NXPE4: variants seen among roughly 807,000 people sequenced by gnomAD.
NXPE4 encodes NXPE family member 4.
In NXPE4, 42 loss-of-function variants were observed where a neutral mutation model predicts 33.3. The ratio of observed to expected loss-of-function variants is 1.26; its 90% CI spans 0.98 to 1.63. The LOEUF (loss-of-function observed/expected upper bound fraction) is 1.63. Among genes scored for constraint, NXPE4 ranks in the 40% most tolerant of loss-of-function variants. The pLI is 0.00. For synonymous variants in NXPE4, 253 were observed against 234.9 expected (o/e 1.08, Z -0.71); for missense variants, 709 against 647.6 (o/e 1.09, Z -1.03).
At chr11:114,663,319 C>T in the NXPE4 span, among the ~76,000 whole-genome samples, 7 of 152,280 alleles carry the variant, frequency 4.6e-5, no homozygotes, top group Non-Finnish European at 7.4e-5. Flanking sequence ...AATGCTCTGC[C>T]TAGGCTGCTC....
chr11:114,605,096 G>A, the NXPE4 span, among the ~76,000 whole-genome samples: 3 of 151,202 alleles, frequency 2.0e-5, no homozygotes, highest in Non-Finnish European at 2.9e-5. Context: ...TGCCTCGTGG[G>A]TAACAGCTGT....
At chr11:114,589,099 G>T (rs755855346) in intron 2 of NXPE4, among the ~76,000 whole-genome samples, 2 of 152,086 alleles carry the variant, frequency 1.3e-5, no homozygotes, top group African/African-American at 4.8e-5. Context: ...CTATTGATGT[G>T]GGAAGTCAGA....
At chr11:114,639,620 C>G in the NXPE4 span, among the ~76,000 whole-genome samples, 9 of 147,356 alleles carry the variant, frequency 6.1e-5, no homozygotes, top group African/African-American at 2.0e-4. Flanking sequence ...GCTGCCCCAC[C>G]TATGTAACAT....
At chr11:114,632,070 T>C in the NXPE4 span, among the ~76,000 whole-genome samples, 1 of 133,558 alleles carries the variant, frequency 7.5e-6, no homozygotes, top group Non-Finnish European at 1.6e-5. Flanking sequence ...AAGAATTGTA[T>C]AGTATAATAT....
chr11:114,625,530 G>A, the NXPE4 span, among the ~76,000 whole-genome samples: 2 of 152,284 alleles, frequency 1.3e-5, no homozygotes, highest in South Asian at 4.1e-4. Flanking sequence ...AATAAGTATT[G>A]CCTCATGAGT....
In NXPE4 at chr11:114,573,728, G is replaced by T. The variant is rs983871096; in HGVS notation, c.1100-2255C>A. On this transcript the variant is annotated intron_variant, in intron 5 of 5. Transcript: ENST00000375478. ...CCAAATTTACAAAACATTACTAATA[G>T]ACCAAAAAAAATGAGAGATGGCAAT... Among the ~76,000 whole-genome samples, 7 of 151,784 alleles carry T rather than the reference G, an allele frequency of 4.6e-5. No individual in the cohort carries two copies. In the South Asian group the frequency reaches 1.5e-3, roughly 32 times the overall value.
chr11:114,613,347 G>A, the NXPE4 span, among the ~76,000 whole-genome samples: 2 of 151,856 alleles, frequency 1.3e-5, no homozygotes, highest in African/African-American at 4.8e-5. Flanking sequence ...AATAAGTACT[G>A]CCTCGTGGAT....
At chr11:114,665,527 A>G in the NXPE4 span, among the ~76,000 whole-genome samples, 3 of 152,210 alleles carry the variant, frequency 2.0e-5, no homozygotes, top group Non-Finnish European at 4.4e-5. Context: ...AAGCATGCAA[A>G]GAGTTATGTA....
chr11:114,664,918 C>T, the NXPE4 span, among the ~76,000 whole-genome samples: 1 of 152,048 alleles, frequency 6.6e-6, no homozygotes. Flanking sequence ...TGTAAGTGTT[C>T]AGAGCACATT....
chr11:114,667,936 G>A, the NXPE4 span, among the ~76,000 whole-genome samples: 1 of 151,900 alleles, frequency 6.6e-6, no homozygotes, highest in African/African-American at 2.4e-5. Context: ...AAGTTACACA[G>A]CAGTAGATAA....
At chr11:114,610,669 A>G in the NXPE4 span, among the ~76,000 whole-genome samples, 9 of 146,010 alleles carry the variant, frequency 6.2e-5, no homozygotes, top group Admixed American at 4.7e-4. Flanking sequence ...TGGATAATAC[A>G]TGTTGCCTCG....
chr11:114,601,624 ATAT>A, the NXPE4 span, among the ~76,000 whole-genome samples: 186 of 50,652 alleles, frequency 3.7e-3, 9 homozygotes, highest in South Asian at 4.1e-3. Flanking sequence ...TATATATTAT[ATAT>A]TATTTATAAT....
the NXPE4 span, among the ~76,000 whole-genome samples, chr11:114,642,759 A>G: frequency 2.6e-5 from 4 of 152,062 alleles, no homozygotes; most frequent in South Asian, 4.1e-4. Flanking sequence ...AATGGTTTAT[A>G]TTCCTTTGGG....
chr11:114,582,453 A>G lies in NXPE4; in HGVS notation c.665T>C (p.Ile222Thr). The change falls in exon 3 of 6, where the codon ATC becomes ACC. Residue 222 changes from isoleucine to threonine, a missense_variant. Ile to Thr is a moderately conservative substitution (Grantham distance 89). Coordinates refer to ENST00000375478, the MANE Select transcript of NXPE4 (RefSeq NM_001077639.2). ...TSQVHSECGL[I>T]LNTNAELCQY... ...GCACAATTCAGCATTTGTGTTTAGG[A>G]TCAGGCCACATTCAGAGTGGACTTG... is the stretch of plus-strand genomic sequence containing the variant. 1.2e-6 allele frequency: 2 copies of G among 1,614,168 alleles called. No homozygotes were observed. Among genetic ancestry groups the G allele is most frequent in the Non-Finnish European group, 1.7e-6 (2 of 1,180,010 alleles).
the NXPE4 span, among the ~76,000 whole-genome samples, chr11:114,625,994 A>G: frequency 2.6e-5 from 4 of 152,264 alleles, 1 homozygote; most frequent in Middle Eastern, 0.014. Context: ...GCACCAGGAG[A>G]TTATATCCCG....
At chr11:114,633,227 A>T in the NXPE4 span, among the ~76,000 whole-genome samples, 10 of 132,080 alleles carry the variant, frequency 7.6e-5, no homozygotes, top group Admixed American at 6.6e-4. Flanking sequence ...TATATATATA[A>T]ATATATGTAA....
chr11:114,624,526 C>T, the NXPE4 span, among the ~76,000 whole-genome samples: 4 of 151,934 alleles, frequency 2.6e-5, no homozygotes, highest in South Asian at 6.2e-4. Flanking sequence ...ATTATTGCCT[C>T]GTGGGTAACC....
the NXPE4 span, among the ~76,000 whole-genome samples, chr11:114,636,103 T>TTC: frequency 1.3e-5 from 2 of 150,340 alleles, no homozygotes; most frequent in African/African-American, 2.4e-5. Context: ...CCTGGACTCT[T>TTC]TCGTTGGTAA....
chr11:114,636,313 C>T, the NXPE4 span, among the ~76,000 whole-genome samples: 1 of 151,740 alleles, frequency 6.6e-6, no homozygotes, highest in African/African-American at 2.4e-5. Flanking sequence ...GGTGATATCC[C>T]CTTTATCATT....
Sources: gnomAD v4.1 joint callset for allele counts (sites outside exome capture counted in the v4.1 genomes callset) on GRCh38, gnomAD v4.1.1 for gene constraint, MANE v1.5 for transcripts, NCBI Gene and HGNC (gene_info 2026-07-23, HGNC 2026-07-21) for gene names.